Variants in FNDC3B observed in about 807,000 individuals in gnomAD.
The protein encoded by FNDC3B is fibronectin type III domain containing 3B, also known as fibronectin type III domain-containing protein 3B.
A neutral mutation model predicts 151.5 loss-of-function variants in FNDC3B; 12 were observed. The observed-to-expected ratio is 0.08, with a 90% CI of 0.05 to 0.13. FNDC3B has a LOEUF of 0.13. Among genes scored for constraint, FNDC3B ranks in the 10% least tolerant of loss-of-function variants. FNDC3B has a pLI of 1.00. For missense variants in FNDC3B, 1,214 were observed against 1,505.3 expected (o/e 0.81, Z 3.20); for synonymous variants, 528 against 549.0 (o/e 0.96, Z 0.54).
intron 6 of FNDC3B, among the ~76,000 whole-genome samples, chr3:172,268,071 T>A (rs1691516162): frequency 6.6e-6 from 1 of 152,218 alleles, no homozygotes; most frequent in Admixed American, 6.5e-5. Flanking sequence ...TTAGATTTCT[T>A]TTTTCACCCT....
chr3:172,355,249 G>A (rs541250277), intron 22 of FNDC3B, among the ~76,000 whole-genome samples: 241 of 152,184 alleles, frequency 1.6e-3, no homozygotes, highest in South Asian at 5.6e-3. Flanking sequence ...GAGGGTAATC[G>A]GATCACCTGG....
intron 6 of FNDC3B, among the ~76,000 whole-genome samples, chr3:172,279,600 T>C (rs1729599505): frequency 6.6e-6 from 1 of 152,230 alleles, no homozygotes; most frequent in African/African-American, 2.4e-5. Context: ...CTTTGTATTT[T>C]TAGCATCAGG....
chr3:172,268,808 C>A (rs9852590), intron 6 of FNDC3B, among the ~76,000 whole-genome samples: 5,136 of 152,168 alleles, frequency 0.034, 294 homozygotes, highest in African/African-American at 0.12. Context: ...GCTCATGATC[C>A]TTTGGTTTTA....
intron 11 of FNDC3B, among the ~76,000 whole-genome samples, chr3:172,324,741 G>T (rs74452425): frequency 0.019 from 2,950 of 152,312 alleles, 39 homozygotes; most frequent in Non-Finnish European, 0.028. Flanking sequence ...GGTTATATTG[G>T]TTCATGTCCA....
At chr3:172,242,456 C>T (rs911009576) in intron 4 of FNDC3B, among the ~76,000 whole-genome samples, 4 of 152,314 alleles carry the variant, frequency 2.6e-5, no homozygotes, top group East Asian at 1.9e-4. Flanking sequence ...GAAGTCTAGG[C>T]GGAGGTTCCC....
rs78068417 is a variant in FNDC3B, at chr3:172,345,609, C to T, written c.2251-718C>T. ...CCCCCCTCCCCGCCGTCTTTTTTCT[C>T]TCATTTTGACAAGGACAGTCATATA... On this transcript the variant is annotated intron_variant, in intron 19 of 25. Transcript: ENST00000415807. 8.6e-3 allele frequency among the ~76,000 whole-genome samples: 1,308 copies of T among 152,134 alleles called. 18 individuals carry two copies. Among genetic ancestry groups the T allele is most frequent in the African/African-American group, 0.03 (1,240 of 41,512 alleles).
chr3:172,255,356 C>T (rs1208959152), intron 6 of FNDC3B, among the ~76,000 whole-genome samples: 2 of 152,136 alleles, frequency 1.3e-5, no homozygotes, highest in Non-Finnish European at 2.9e-5. Context: ...GCAACCTCTG[C>T]CTCCCAGGTT....
chr3:172,041,359 T>TTTTCTTTC (rs34854407), intron 1 of FNDC3B, among the ~76,000 whole-genome samples: 9,489 of 149,188 alleles, frequency 0.064, 418 homozygotes, highest in East Asian at 0.17. Context: ...TTAAAAATCG[T>TTTTCTTTC]TTTCTTTCTT....
chr3:172,199,882 C>T (rs768497113), intron 3 of FNDC3B, among the ~76,000 whole-genome samples: 5 of 152,200 alleles, frequency 3.3e-5, no homozygotes, highest in Non-Finnish European at 7.3e-5. Flanking sequence ...AGGAACATCT[C>T]CTGCCACCAC....
intron 1 of FNDC3B, among the ~76,000 whole-genome samples, chr3:172,080,295 G>C (rs1718216488): frequency 1.3e-5 from 2 of 152,020 alleles, no homozygotes; most frequent in South Asian, 4.2e-4. Flanking sequence ...TTAAGAGACA[G>C]AGTCTTGCTT....
At chr3:172,274,316 G>A (rs1254040279) in intron 6 of FNDC3B, among the ~76,000 whole-genome samples, 1 of 152,096 alleles carries the variant, frequency 6.6e-6, no homozygotes, top group African/African-American at 2.4e-5. Flanking sequence ...GTCTCTTCCA[G>A]CGGATAGATT....
chr3:172,182,650 G>T (rs144751576), intron 3 of FNDC3B, among the ~76,000 whole-genome samples: 1 of 152,290 alleles, frequency 6.6e-6, no homozygotes, highest in Non-Finnish European at 1.5e-5. Context: ...CCTGTTAAAC[G>T]CAGGGAATTC....
At chr3:172,383,103 A>T (rs996242322) in intron 25 of FNDC3B, among the ~76,000 whole-genome samples, 5 of 152,226 alleles carry the variant, frequency 3.3e-5, no homozygotes, top group African/African-American at 1.2e-4. Flanking sequence ...ATCCACGAGC[A>T]TGGAATGTTT....
intron 16 of FNDC3B, among the ~76,000 whole-genome samples, chr3:172,339,272 G>A (rs1244433423): frequency 6.6e-6 from 1 of 151,948 alleles, no homozygotes; most frequent in African/African-American, 2.4e-5. Context: ...TTAAAAACCT[G>A]GTTTAGAACT....
chr3:172,044,311 A>G lies in FNDC3B; in HGVS notation c.-29+4540A>G, dbSNP rs542921275. 1.1e-4 allele frequency among the ~76,000 whole-genome samples: 13 copies of G among 119,436 alleles called. No individual in the cohort carries two copies. In the South Asian group the frequency reaches 3.0e-3, roughly 28 times the overall value. The allele number at this position is 119,436 out of a possible 152,430, so 78.4% of individuals were successfully genotyped here. On this transcript the variant is annotated intron_variant, in intron 1 of 25. Transcript: ENST00000415807. ...TTTTTTTTTTTTTTTTTGGTGTGCT[A>G]CCCTCAGGAAAAGGCAAATTATAAT... is the stretch of plus-strand genomic sequence containing the variant.
intron 1 of FNDC3B, among the ~76,000 whole-genome samples, chr3:172,080,950 C>G (rs1334932442): frequency 2.0e-5 from 3 of 152,116 alleles, no homozygotes; most frequent in African/African-American, 7.2e-5. Flanking sequence ...ACGTTGTTTC[C>G]CATTGTTTGG....
At chr3:172,191,497 C>G (rs773852114) in intron 3 of FNDC3B, among the ~76,000 whole-genome samples, 2 of 151,934 alleles carry the variant, frequency 1.3e-5, no homozygotes, top group African/African-American at 4.8e-5. Flanking sequence ...GTTTCAAATT[C>G]ATTGTTGTTG....
intron 4 of FNDC3B, among the ~76,000 whole-genome samples, chr3:172,230,936 C>T (rs573274215): frequency 3.5e-4 from 53 of 152,074 alleles, no homozygotes; most frequent in Non-Finnish European, 7.2e-4. Context: ...TGCATATGAC[C>T]CAACAATTGC....
At chr3:172,080,811 G>A (rs1718244901) in intron 1 of FNDC3B, among the ~76,000 whole-genome samples, 1 of 152,200 alleles carries the variant, frequency 6.6e-6, no homozygotes, top group African/African-American at 2.4e-5. Flanking sequence ...GGCACCTCAT[G>A]TGTTTCATGT....
Sources: gnomAD v4.1 joint callset for allele counts (sites outside exome capture counted in the v4.1 genomes callset) on GRCh38, gnomAD v4.1.1 for gene constraint, MANE v1.5 for transcripts, NCBI Gene and HGNC (gene_info 2026-07-23, HGNC 2026-07-21) for gene names.